The following TRIM44 variants were observed in gnomAD, a reference collection of about 807,000 sequenced individuals.
The protein encoded by TRIM44 is tripartite motif-containing protein 44.
TRIM44 carries 13 observed loss-of-function variants against 37.4 expected under a neutral mutation model. That is an observed-to-expected ratio of 0.35 (90% CI 0.23 to 0.55). The LOEUF (loss-of-function observed/expected upper bound fraction) is 0.55, where lower values mean the gene tolerates loss of function less well. TRIM44 is among the 20% of genes least tolerant of loss of function. The pLI, the probability that TRIM44 is intolerant of heterozygous loss-of-function variation, is 0.89. For synonymous variants in TRIM44, 175 were observed against 157.2 expected (o/e 1.11, Z -0.85); for missense variants, 426 against 437.2 (o/e 0.97, Z 0.23).
In TRIM44 at chr11:35,706,149, T is replaced by C. The variant is rs375944489; in HGVS notation, c.748-19775T>C. Among the ~76,000 whole-genome samples, 90 of 148,758 alleles carry C rather than the reference T, an allele frequency of 6.1e-4. 8 individuals carry two copies. Among genetic ancestry groups the C allele is most frequent in the Admixed American group, 1.9e-3 (28 of 14,860 alleles). ...CTACAAACACCTCTACGCAAATAAA[T>C]TAGAAAATCTAGAAGAAATGGATAA... On this transcript the variant is annotated intron_variant, in intron 2 of 4. Coordinates refer to ENST00000299413, the MANE Select transcript of TRIM44 (RefSeq NM_017583.6).
chr11:35,666,831 GTT>G (rs887192568), intron 1 of TRIM44, among the ~76,000 whole-genome samples: 3 of 136,192 alleles, frequency 2.2e-5, no homozygotes, highest in African/African-American at 1.1e-4. Context: ...TTTATATATT[GTT>G]TTTTTGTGAT....
intron 2 of TRIM44, among the ~76,000 whole-genome samples, chr11:35,725,097 CACACACA>C (rs1346112412): frequency 3.9e-5 from 6 of 151,930 alleles, no homozygotes; most frequent in Admixed American, 6.6e-5. Context: ...CACACACACA[CACACACA>C]CCCTCCATCT....
chr11:35,741,239 CTGTTATGGAACCTGAGTTGACCTTATT>C (rs1852393392), intron 4 of TRIM44, among the ~76,000 whole-genome samples: 1 of 152,118 alleles, frequency 6.6e-6, no homozygotes, highest in Admixed American at 6.5e-5. Context: ...TCACATTTCC[CTGTTATGGAACCTGAGTTGACCTTATT>C]TTTCCATGCT....
At chr11:35,762,994 A>G (rs1482434610) in intron 4 of TRIM44, among the ~76,000 whole-genome samples, 5 of 152,224 alleles carry the variant, frequency 3.3e-5, no homozygotes, top group African/African-American at 1.2e-4. Context: ...CACTATTTTA[A>G]GTATGTGGAA....
In TRIM44 at chr11:35,810,963, T is replaced by C. The variant is rs1254002537; in HGVS notation, c.*4578T>C. 1 of 152,222 alleles carries C rather than the reference T, an allele frequency of 6.6e-6. No individual in the cohort carries two copies. Among genetic ancestry groups the C allele is most frequent in the Non-Finnish European group, 1.5e-5 (1 of 68,028 alleles). The allele number at this position is 152,222 out of a possible 1,614,324, so 9.4% of individuals were successfully genotyped here. A position where few individuals can be genotyped will look rare whatever the true frequency, so the allele number is the denominator to read the frequency against. ...TATATCATTTTCATACTGTAAATTA[T>C]TTTGTAAGAGAGATTTACTGCTATC... On this transcript the variant is annotated 3_prime_UTR_variant, in exon 5 of 5. Transcript: ENST00000299413.
chr11:35,706,583 C>G (rs1046008016), intron 2 of TRIM44, among the ~76,000 whole-genome samples: 6 of 152,188 alleles, frequency 3.9e-5, no homozygotes, highest in African/African-American at 9.7e-5. Context: ...TGGGCTTCAT[C>G]CCTGGGAAGC....
chr11:35,728,980 G>A (rs1304543611), intron 3 of TRIM44, among the ~76,000 whole-genome samples: 1 of 152,108 alleles, frequency 6.6e-6, no homozygotes, highest in Admixed American at 6.5e-5. Flanking sequence ...ACTTATTACA[G>A]TAGAAATCTC....
intron 2 of TRIM44, among the ~76,000 whole-genome samples, chr11:35,695,588 T>G (rs1332848023): frequency 6.6e-6 from 1 of 152,220 alleles, no homozygotes; most frequent in East Asian, 1.9e-4. Context: ...TTAGGATCCT[T>G]TTCATCCTTT....
intron 4 of TRIM44, among the ~76,000 whole-genome samples, chr11:35,795,037 G>C (rs755381753): frequency 6.6e-6 from 1 of 152,198 alleles, no homozygotes; most frequent in Non-Finnish European, 1.5e-5. Flanking sequence ...AGACCTGAAT[G>C]TTAATGAGTC....
At position 35,773,137 on chromosome 11, in the gene TRIM44, G is replaced by A. The variant is rs116263699; in HGVS notation, c.1008-33221G>A. Among the ~76,000 whole-genome samples the A allele has an allele frequency of 2.6e-3, 390 of 152,208 alleles. 4 individuals are homozygous for A. Among genetic ancestry groups the A allele is most frequent in the African/African-American group, 9.0e-3 (375 of 41,522 alleles). ...CCTCATTTTCTCTTGCTACCACCAT[G>A]TAAGAAGTGCCATTGCCTCCCGCCA... On this transcript the variant is annotated intron_variant, in intron 4 of 4. Coordinates refer to ENST00000299413, the MANE Select transcript of TRIM44 (RefSeq NM_017583.6).
At chr11:35,682,420 A>G (rs1016722663) in intron 1 of TRIM44, among the ~76,000 whole-genome samples, 5 of 152,144 alleles carry the variant, frequency 3.3e-5, no homozygotes, top group Non-Finnish European at 7.4e-5. Context: ...GATTGGGGCC[A>G]GAGTCCTCCA....
chr11:35,717,423 G>A (rs1852051319), intron 2 of TRIM44, among the ~76,000 whole-genome samples: 1 of 152,042 alleles, frequency 6.6e-6, no homozygotes, highest in African/African-American at 2.4e-5. Context: ...AAAGGTAGAA[G>A]TCAGCTCCCT....
At chr11:35,758,148 T>G (rs7482829) in intron 4 of TRIM44, among the ~76,000 whole-genome samples, 127,762 of 152,058 alleles carry the variant, frequency 0.84, 53,923 homozygotes, top group Middle Eastern at 0.86. Context: ...CTCTTTGTAG[T>G]TCTCTAAGGA....
At chr11:35,756,788 G>A (rs1167904019) in intron 4 of TRIM44, among the ~76,000 whole-genome samples, 1 of 152,158 alleles carries the variant, frequency 6.6e-6, no homozygotes, top group African/African-American at 2.4e-5. Flanking sequence ...CGTTGGTTCT[G>A]TTTATATGCT....
intron 4 of TRIM44, among the ~76,000 whole-genome samples, chr11:35,783,504 A>G (rs144309108): frequency 0.013 from 1,925 of 152,238 alleles, 44 homozygotes; most frequent in African/African-American, 0.045. Context: ...ATTTTCTTTC[A>G]TTGTAATAGC....
chr11:35,793,180 AAG>A (rs201155648), intron 4 of TRIM44, among the ~76,000 whole-genome samples: 8,622 of 106,614 alleles, frequency 0.081, 719 homozygotes, highest in African/African-American at 0.25. Context: ...AAAAAAAAAA[AAG>A]AAATCTAGCT....
At chr11:35,704,799 G>T (rs189967646) in intron 2 of TRIM44, among the ~76,000 whole-genome samples, 1 of 152,136 alleles carries the variant, frequency 6.6e-6, no homozygotes, top group Non-Finnish European at 1.5e-5. Context: ...ACCAGCCACT[G>T]CAAAATCATG....
chr11:35,800,385 A>G (rs1020269815), intron 4 of TRIM44, among the ~76,000 whole-genome samples: 1 of 152,034 alleles, frequency 6.6e-6, no homozygotes, highest in East Asian at 1.9e-4. Flanking sequence ...TTATTCCCTT[A>G]TTTGGCCCCA....
At chr11:35,705,613 C>G (rs1300913218) in intron 2 of TRIM44, among the ~76,000 whole-genome samples, 1 of 150,358 alleles carries the variant, frequency 6.7e-6, no homozygotes, top group Admixed American at 6.6e-5. Flanking sequence ...GAAACTCACT[C>G]AAAACTGCTC....
Sources: gnomAD v4.1 joint callset for allele counts (sites outside exome capture counted in the v4.1 genomes callset) on GRCh38, gnomAD v4.1.1 for gene constraint, MANE v1.5 for transcripts, NCBI Gene and HGNC (gene_info 2026-07-23, HGNC 2026-07-21) for gene names.